The following CCDC194 variants were observed in gnomAD, a reference collection of about 807,000 sequenced individuals.
CCDC194 encodes the protein coiled-coil domain containing 194.
A neutral mutation model predicts 4.9 loss-of-function variants in CCDC194; 8 were observed. The ratio of observed to expected loss-of-function variants is 1.65; its 90% CI spans 0.97 to 2.97. The LOEUF is 2.97. Among genes scored for constraint, CCDC194 ranks in the 30% most tolerant of loss-of-function variants. The pLI is 0.00. For missense variants in CCDC194, 52 were observed against 43.1 expected (o/e 1.21, Z -0.58); for synonymous variants, 13 against 17.0 (o/e 0.76, Z 0.58).
At chr19:17,387,879 C>A (rs1451343109), downstream of CCDC194, among the ~76,000 whole-genome samples, 1 of 151,888 alleles carries the variant, frequency 6.6e-6, no homozygotes, top group Non-Finnish European at 1.5e-5. Flanking sequence ...TTCTGTCTTT[C>A]TTTTCTATTT....
At chr19:17,392,870 C>G (rs761448717) in intron 1 of CCDC194, among the ~76,000 whole-genome samples, 6 of 152,152 alleles carry the variant, frequency 3.9e-5, no homozygotes, top group African/African-American at 9.7e-5. Flanking sequence ...TTAGTAGAGA[C>G]GGGTTTTCAC....
In CCDC194 at chr19:17,390,537, C is replaced by T. The variant is rs367743583; in HGVS notation, c.677G>A (p.Arg226Gln). The change falls in exon 4 of 4, where the codon CGG (arginine) becomes CAG (glutamine). Residue 226 changes from arginine (R) to glutamine (Q), a missense_variant. Physicochemically the swap from Arg to Gln is conservative, Grantham distance 43 (BLOSUM62 1). Coordinates refer to ENST00000636079, the Ensembl canonical transcript of CCDC194. The surrounding 1 kb of genome is among the most constrained non-coding windows in gnomAD (Gnocchi z 5.5). ...CCCTCGTGCGCGCCGCGCCGGCCGC[C>T]GGCAGCCCCCGGAGGGTCCGGAGCG... 2.5e-6 allele frequency: 1 copy of T among 395,552 alleles called. No homozygotes were observed. Among genetic ancestry groups the T allele is most frequent in the Non-Finnish European group, 4.5e-6 (1 of 224,050 alleles). 24.5% of individuals were successfully genotyped at this position (395,552 alleles called of 1,614,324 possible).
intron 2 of CCDC194, 176 bp from the exon 3 acceptor site, chr19:17,391,519 T>C: frequency 1.0e-6 from 1 of 953,426 alleles, no homozygotes. Context: ...TTCATAGGTT[T>C]GCATTGCTTT....
chr19:17,389,014 A>G (rs1371557431), downstream of CCDC194, among the ~76,000 whole-genome samples: 1 of 151,890 alleles, frequency 6.6e-6, no homozygotes, highest in Non-Finnish European at 1.5e-5. Flanking sequence ...AATTATTGAT[A>G]TTATTTGTAG....
downstream of CCDC194, among the ~76,000 whole-genome samples, chr19:17,389,714 C>A (rs1453220506): frequency 6.6e-6 from 1 of 152,142 alleles, no homozygotes; most frequent in Non-Finnish European, 1.5e-5. Context: ...ACCTGTAATC[C>A]CAGCACTTTG....
chr19:17,390,108 CTATCA>C (rs1194142875), downstream of CCDC194, among the ~76,000 whole-genome samples: 2 of 152,170 alleles, frequency 1.3e-5, no homozygotes, highest in African/African-American at 4.8e-5. This position sits in a 1 kb window ranked among gnomAD's most constrained non-coding sequence, Gnocchi z 5.5. Flanking sequence ...AATCAGCTCC[CTATCA>C]TGAGTCCAAT....
rs3078449 is a variant in CCDC194 at position 17,391,086 on chromosome 19, GCCCC to G, written c.554+121_554+124del. On this transcript the variant is annotated intron_variant, in intron 3 of 3. Coordinates refer to ENST00000636079, the Ensembl canonical transcript of CCDC194. ...AGGATCCCCCTATTAAATCAACAAT[GCCCC>G]CCCCCCACCACAATTCCACGCCCAA... The G allele has an allele frequency of 1.4e-5, 5 of 360,586 alleles. No individual in the cohort carries two copies. In the South Asian group the frequency reaches 4.5e-4, roughly 32 times the overall value. The allele number at this position is 360,586 out of a possible 1,614,324, so 22.3% of individuals were successfully genotyped here. A position where few individuals can be genotyped will look rare whatever the true frequency, so the allele number is the denominator to read the frequency against.
In CCDC194 at chr19:17,391,904, G is replaced by C. The variant is rs147454408; in HGVS notation, c.325-58C>G. ...AGGCAGAGGAGAGGAGGAGTGATTCGGCCTGGCCCTTTTGGGGACAGTGAG... is the reference window on the plus strand; with the variant it reads ...AGGCAGAGGAGAGGAGGAGTGATTCCGCCTGGCCCTTTTGGGGACAGTGAG... On this transcript the variant is annotated intron_variant, in intron 1 of 3. Transcript: ENST00000636079. The C allele has an allele frequency of 4.8e-5, 68 of 1,419,418 alleles. No individual in the cohort carries two copies. The East Asian group carries it at 1.8e-3, about 37-fold the overall frequency. The allele number at this position is 1,419,418 out of a possible 1,614,324, so 87.9% of individuals were successfully genotyped here.
chr19:17,387,230 G>T (rs369131459), downstream of CCDC194, among the ~76,000 whole-genome samples: 11 of 152,212 alleles, frequency 7.2e-5, no homozygotes, highest in South Asian at 1.0e-3. Context: ...TTTTTAATTT[G>T]TAATAAGTGA....
intron 2 of CCDC194, 122 bp downstream of exon 2, chr19:17,391,628 G>GT (rs2074655018): frequency 6.5e-7 from 1 of 1,529,132 alleles, no homozygotes; most frequent in Admixed American, 2.0e-5. Context: ...CTTTTCATAA[G>GT]TTTTTGCGTT....
chr19:17,391,854 G>A lies in CCDC194; in HGVS notation c.325-8C>T. ...TTGGGTCTGAAGCCGGCTCTGAGGA[G>A]TGGAGGGGAAGTGGGAGGGGGTGTA... On this transcript the variant is annotated splice_region_variant and splice_polypyrimidine_tract_variant and intron_variant, in intron 1 of 3. Transcript: ENST00000636079. The A allele has an allele frequency of 1.3e-6, 2 of 1,509,378 alleles. No homozygotes were observed. Among genetic ancestry groups the A allele is most frequent in the South Asian group, 1.2e-5 (1 of 81,318 alleles). 93.5% of individuals were successfully genotyped at this position (1,509,378 alleles called of 1,614,324 possible).
Position 17,390,694 on chromosome 19 carries a change from G to A in CCDC194, c.555-35C>T. On this transcript the variant is annotated intron_variant, in intron 3 of 3. Transcript: ENST00000636079. This position sits in a 1 kb window ranked among gnomAD's most constrained non-coding sequence, Gnocchi z 5.5. Reference sequence around the variant, plus strand: ...AGGGGGAAGGGGGCTGTCAGCCTCTGGACCCCTGTCCCCAGACATCGCCAG... The same window carrying A: ...AGGGGGAAGGGGGCTGTCAGCCTCTAGACCCCTGTCCCCAGACATCGCCAG... 1 of 397,178 alleles carries A rather than the reference G, an allele frequency of 2.5e-6. No individual in the cohort carries two copies. The highest frequency in any genetic ancestry group is 4.4e-6 in the Non-Finnish European group (1 of 225,116). 24.6% of individuals were successfully genotyped at this position (397,178 alleles called of 1,614,324 possible). A position where few individuals can be genotyped will look rare whatever the true frequency, so the allele number is the denominator to read the frequency against.
rs1478134822 is a variant in CCDC194, at chr19:17,393,830, C to T, written c.324+5G>A. On this transcript the variant is annotated splice_donor_5th_base_variant and intron_variant, in intron 1 of 3. Coordinates refer to ENST00000636079, the Ensembl canonical transcript of CCDC194. ...CCGAGCTCCCCCTCTACCCGGCCCACCTACCTGGCGGCCTTCACAGGCCTT... is the reference window on the plus strand; with the variant it reads ...CCGAGCTCCCCCTCTACCCGGCCCATCTACCTGGCGGCCTTCACAGGCCTT... The T allele has an allele frequency of 2.5e-5, 10 of 396,712 alleles. No individual in the cohort carries two copies. Among genetic ancestry groups the T allele is most frequent in the Non-Finnish European group, 2.2e-5 (5 of 224,932 alleles). 24.6% of individuals were successfully genotyped at this position (396,712 alleles called of 1,614,324 possible).
exon 3 of CCDC194, chr19:17,391,258 G>T (rs1349350727): frequency 2.5e-6 from 1 of 406,248 alleles, no homozygotes; most frequent in Non-Finnish European, 4.3e-6. Context: ...CTTCGCCCTC[G>T]GCCTCCGCCA....
rs1405156515 is a variant in CCDC194 at position 17,391,782 on chromosome 19, G to A, written c.389C>T (p.Thr130Ile). The change falls in exon 2 of 4, where the codon ACC (threonine) becomes ATC (isoleucine). Residue 130 changes from threonine to isoleucine, a missense_variant. Physicochemically the swap from Thr to Ile is moderately conservative, Grantham distance 89. Transcript: ENST00000636079. ...CGCCCCGTTCTCGGCCCCCATCTGG[G>A]TCCCCTGTGCCTTGGCTTCGTCCAT... 4.6e-6 allele frequency: 7 copies of A among 1,535,674 alleles called. No individual in the cohort carries two copies. The East Asian group carries it at 1.7e-4, about 38-fold the overall frequency.
chr19:17,391,939 G>A (rs2074656398), intron 1 of CCDC194, 93 bp from the exon 2 acceptor site: 2 of 1,160,902 alleles, frequency 1.7e-6, no homozygotes, highest in Non-Finnish European at 2.3e-6. Context: ...GAAGCCACCT[G>A]CGACCCTGTG....
At chr19:17,387,537 G>C (rs1019475856), downstream of CCDC194, among the ~76,000 whole-genome samples, 1 of 152,216 alleles carries the variant, frequency 6.6e-6, no homozygotes, top group East Asian at 1.9e-4. Context: ...GGCCAACATG[G>C]TGAAACCCCG....
downstream of CCDC194, among the ~76,000 whole-genome samples, chr19:17,390,143 G>T (rs1167470986): frequency 6.6e-6 from 1 of 152,086 alleles, no homozygotes; most frequent in African/African-American, 2.4e-5. This position sits in a 1 kb window ranked among gnomAD's most constrained non-coding sequence, Gnocchi z 5.5. Flanking sequence ...TACAGATAGG[G>T]TAAACTGAAA....
intron 1 of CCDC194, among the ~76,000 whole-genome samples, chr19:17,393,516 G>A (rs1378001431): frequency 6.6e-6 from 1 of 151,582 alleles, no homozygotes; most frequent in Non-Finnish European, 1.5e-5. Context: ...AGCCTCCTGA[G>A]GAGCTGGGAT....
Sources: allele counts gnomAD v4.1 joint callset (sites outside exome capture counted in the v4.1 genomes callset), GRCh38; gene constraint gnomAD v4.1.1; non-coding constraint Gnocchi (gnomAD v3.1); transcripts MANE v1.5; gene names NCBI Gene and HGNC (gene_info 2026-07-23, HGNC 2026-07-21).